The following ASAP2 variants were observed in gnomAD, a reference collection of about 807,000 sequenced individuals.
ASAP2 encodes ArfGAP with SH3 domain, ankyrin repeat and PH domain 2, also known as arf-GAP with SH3 domain, ANK repeat and PH domain-containing protein 2.
A neutral mutation model predicts 131.4 loss-of-function variants in ASAP2; 45 were observed. The observed-to-expected ratio is 0.34, with a 90% CI of 0.27 to 0.44. The LOEUF (loss-of-function observed/expected upper bound fraction) is 0.44, where lower values mean the gene tolerates loss of function less well. ASAP2 is among the 20% of genes least tolerant of loss of function. The probability of loss-of-function intolerance (pLI) is 1.00; values close to 1 mark genes in which losing one functional copy is unlikely to be tolerated. For missense variants in ASAP2, 1,011 were observed against 1,297.0 expected (o/e 0.78, Z 3.39); for synonymous variants, 510 against 503.0 (o/e 1.01, Z -0.19).
intron 1 of ASAP2, among the ~76,000 whole-genome samples, chr2:9,279,092 A>G (rs1266991137): frequency 2.0e-5 from 3 of 152,308 alleles, no homozygotes; most frequent in African/African-American, 7.2e-5. Context: ...AGTAATTGCC[A>G]ACAAACTTCT....
At chr2:9,242,537 A>G (rs988865592) in intron 1 of ASAP2, among the ~76,000 whole-genome samples, 4 of 152,176 alleles carry the variant, frequency 2.6e-5, no homozygotes, top group African/African-American at 9.7e-5. Context: ...CCTGGCTTGA[A>G]GTTGACATCT....
chr2:9,378,900 C>A (rs1431178837), intron 18 of ASAP2, 44 bp from the exon 19 acceptor site: 11 of 1,339,074 alleles, frequency 8.2e-6, no homozygotes, highest in African/African-American at 1.5e-5. Flanking sequence ...GGTCGTCCAG[C>A]CTGTGACACA....
intron 1 of ASAP2, among the ~76,000 whole-genome samples, chr2:9,255,165 T>C (rs1665071676): frequency 6.6e-6 from 1 of 152,242 alleles, no homozygotes. Context: ...TGGTAACTAA[T>C]GAAACCAGAA....
At chr2:9,368,283 G>A (rs779895631) in intron 15 of ASAP2, 142 bp from the exon 16 acceptor site, 2 of 721,824 alleles carry the variant, frequency 2.8e-6, no homozygotes, top group Non-Finnish European at 4.6e-6. Flanking sequence ...TTTGGGTTTT[G>A]TCCATCTTCA....
rs1669301874 is a variant in ASAP2, at chr2:9,311,582, T to C, written c.346-6942T>C. Among the ~76,000 whole-genome samples, 1 of 152,214 alleles carries C rather than the reference T, an allele frequency of 6.6e-6. No individual in the cohort carries two copies. ...CCCAGGGATAATGTAATTCTTCCCA[T>C]AGAGCATGAAAATGTCATTACTCAT... On this transcript the variant is annotated intron_variant, in intron 3 of 27. Transcript: ENST00000281419. This position sits in a 1 kb window ranked among gnomAD's most constrained non-coding sequence, Gnocchi z 5.2.
At chr2:9,401,171 G>C (rs1676631500) in intron 26 of ASAP2, 103 bp from the exon 27 acceptor site, 2 of 1,453,796 alleles carry the variant, frequency 1.4e-6, no homozygotes, top group South Asian at 1.3e-5. Flanking sequence ...CTCAGGCCTA[G>C]GTACGGGACT....
rs1473112876 is a variant in ASAP2 at position 9,391,080 on chromosome 2, C to T, written c.2402C>T (p.Ala801Val). 1.2e-6 allele frequency: 2 copies of T among 1,614,136 alleles called. No homozygotes were observed. Among genetic ancestry groups the T allele is most frequent in the Non-Finnish European group, 1.7e-6 (2 of 1,180,052 alleles). Residue 801 changes from alanine (A) to valine (V), a missense_variant, in exon 23 of 28, where the codon GCT becomes GTT. This residue lies in a region of ASAP2 where 652 missense variants were observed against 698.9 expected (regional missense o/e 0.93). Coordinates refer to ENST00000281419, the MANE Select transcript of ASAP2 (RefSeq NM_003887.3). ...GGTTCAGTTCAGACAGCCTCCTCTG[C>T]TAACACCCTGTGGAAGACAAACTCT... is the stretch of plus-strand genomic sequence containing the variant. ...NVGKVQTASS[A>V]NTLWKTNSVS...
At position 9,358,781 on chromosome 2, in the gene ASAP2, G is replaced by C. The variant is rs1217208378; in HGVS notation, c.1353G>C (p.Leu451=). ...APDPTWLSTN[L]GILTCIECSG... ...ATCCTACATGGCTTTCCACCAACCT[G>C]GGCATCCTGACCTGCATCGAGTGTT... The change falls in exon 15 of 28, where the codon CTG becomes CTC. Residue 451 remains leucine, a synonymous_variant. Transcript: ENST00000281419. 4.3e-6 allele frequency: 7 copies of C among 1,613,162 alleles called. No individual in the cohort carries two copies. Among genetic ancestry groups the C allele is most frequent in the Non-Finnish European group, 5.9e-6 (7 of 1,179,790 alleles).
intron 1 of ASAP2, among the ~76,000 whole-genome samples, chr2:9,276,456 A>G (rs1342202153): frequency 1.3e-5 from 2 of 152,076 alleles, no homozygotes; most frequent in Admixed American, 6.5e-5. Flanking sequence ...CTTGCTAAAG[A>G]TGTTATTCTG....
intron 1 of ASAP2, among the ~76,000 whole-genome samples, chr2:9,227,712 AG>A (rs1415678588): frequency 6.6e-6 from 1 of 152,214 alleles, no homozygotes; most frequent in Admixed American, 6.5e-5. Flanking sequence ...GGAGGTCCTC[AG>A]TAACCGTTTT....
At chr2:9,377,990 A>G (rs1464295553) in intron 18 of ASAP2, among the ~76,000 whole-genome samples, 1 of 152,108 alleles carries the variant, frequency 6.6e-6, no homozygotes, top group African/African-American at 2.4e-5. Flanking sequence ...CCCTCCATGC[A>G]CATTTTCAGG....
rs116184640 is a variant in ASAP2 at position 9,241,483 on chromosome 2, A to T, written c.126+34253A>T. 6.6e-3 allele frequency among the ~76,000 whole-genome samples: 998 copies of T among 152,266 alleles called. 12 individuals are homozygous for T. Among genetic ancestry groups the T allele is most frequent in the African/African-American group, 0.023 (960 of 41,542 alleles). ...GCTGGGTGTGGTGGCTCATGCCTAT[A>T]ATCCCAGCACACTGGGAGGCCAAAG... On this transcript the variant is annotated intron_variant, in intron 1 of 27. Coordinates refer to ENST00000281419, the MANE Select transcript of ASAP2 (RefSeq NM_003887.3).
intron 21 of ASAP2, among the ~76,000 whole-genome samples, chr2:9,386,262 T>C (rs938332680): frequency 7.9e-5 from 12 of 152,294 alleles, no homozygotes; most frequent in African/African-American, 2.9e-4. Flanking sequence ...GACTGTCTGC[T>C]CATGGAGTTA....
chr2:9,347,826 A>G (rs1008469527), intron 11 of ASAP2, among the ~76,000 whole-genome samples: 1 of 152,206 alleles, frequency 6.6e-6, no homozygotes, highest in African/African-American at 2.4e-5. Context: ...TGGCTCTTAC[A>G]CAATCTAAAA....
At chr2:9,285,026 A>G (rs1199342019) in intron 2 of ASAP2, among the ~76,000 whole-genome samples, 1 of 152,140 alleles carries the variant, frequency 6.6e-6, no homozygotes, top group African/African-American at 2.4e-5. Flanking sequence ...TGCCTCAGCA[A>G]CCCACAGTGT....
rs867965973 is a variant in ASAP2 at position 9,270,768 on chromosome 2, T to A, written c.127-8549T>A. Among the ~76,000 whole-genome samples, 20 of 148,278 alleles carry A rather than the reference T, an allele frequency of 1.3e-4. No homozygotes were observed. In the Middle Eastern group the frequency reaches 0.014, roughly 104 times the overall value. On this transcript the variant is annotated intron_variant, in intron 1 of 27. Transcript: ENST00000281419. Reference sequence around the variant, plus strand: ...ACCATCCTTCTACTGTCAGTCTCCATGAGTTCAATTGTTTTCATTTTTTTT... The same window carrying A: ...ACCATCCTTCTACTGTCAGTCTCCAAGAGTTCAATTGTTTTCATTTTTTTT...
chr2:9,207,088 GC>G lies in ASAP2; in HGVS notation c.-14del. ...GGCGCCCCTGCGGCTGTGCGCCAGC[GC>G]CCTCGCGCCGAGGCGATGCCGGACC... is the stretch of plus-strand genomic sequence containing the variant. On this transcript the variant is annotated 5_prime_UTR_variant, in exon 1 of 28. Coordinates refer to ENST00000281419, the MANE Select transcript of ASAP2 (RefSeq NM_003887.3). This position sits in a 1 kb window ranked among gnomAD's most constrained non-coding sequence, Gnocchi z 4.1. 6.4e-7 allele frequency: 1 copy of G among 1,552,800 alleles called. No individual in the cohort carries two copies. The highest frequency in any genetic ancestry group is 8.7e-7 in the Non-Finnish European group (1 of 1,149,452).
intron 27 of ASAP2, among the ~76,000 whole-genome samples, chr2:9,402,414 G>C (rs1228589786): frequency 6.6e-6 from 1 of 152,176 alleles, no homozygotes; most frequent in Non-Finnish European, 1.5e-5. Flanking sequence ...CGGAACACTT[G>C]AGGTCAGGAG....
rs753443904 is a variant in ASAP2 at position 9,281,984 on chromosome 2, C to T, written c.199+2595C>T. 3.3e-4 allele frequency among the ~76,000 whole-genome samples: 50 copies of T among 152,204 alleles called. No individual in the cohort carries two copies. Among genetic ancestry groups the T allele is most frequent in the Non-Finnish European group, 6.5e-4 (44 of 68,038 alleles). On this transcript the variant is annotated intron_variant, in intron 2 of 27. Coordinates refer to ENST00000281419, the MANE Select transcript of ASAP2 (RefSeq NM_003887.3). This position sits in a 1 kb window ranked among gnomAD's most constrained non-coding sequence, Gnocchi z 4.0. ...ACTTGCAGTTTTCCCCAGAGAGCCA[C>T]GTTTTATGCCTTCTTCCCTCTGCTC...
Sources: gnomAD v4.1 joint callset for allele counts (sites outside exome capture counted in the v4.1 genomes callset) on GRCh38, gnomAD v4.1.1 for gene constraint, gnomAD v4.1.1 regional missense constraint, Gnocchi (gnomAD v3.1) non-coding constraint, MANE v1.5 for transcripts, NCBI Gene and HGNC (gene_info 2026-07-23, HGNC 2026-07-21) for gene names.